Variants in PPP1R3A observed in about 807,000 individuals in gnomAD.
PPP1R3A encodes the protein protein phosphatase 1 regulatory subunit 3A, also known as RG1.
Under a neutral mutation model 41.7 loss-of-function variants are expected in PPP1R3A, and 29 were observed. That is an observed-to-expected ratio of 0.70 (90% confidence interval 0.52 to 0.95). The LOEUF (loss-of-function observed/expected upper bound fraction) is 0.95, where lower values mean the gene tolerates loss of function less well. PPP1R3A is among the 40% of genes least tolerant of loss of function. The pLI is 0.00. For synonymous variants in PPP1R3A, 485 were observed against 453.4 expected (o/e 1.07, Z -0.89); for missense variants, 1,352 against 1,292.4 (o/e 1.05, Z -0.71).
chr7:113,895,416 G>A (rs1363875459), intron 1 of PPP1R3A, among the ~76,000 whole-genome samples: 1 of 151,906 alleles, frequency 6.6e-6, no homozygotes, highest in Non-Finnish European at 1.5e-5. Context: ...AATGTTAAAA[G>A]TAGCCACAAC....
intron 1 of PPP1R3A, among the ~76,000 whole-genome samples, chr7:113,887,832 C>G (rs1796811533): frequency 6.6e-6 from 1 of 152,000 alleles, no homozygotes; most frequent in South Asian, 2.1e-4. Flanking sequence ...AGTTTTGAGA[C>G]CAGCCTGGCC....
chr7:113,898,290 T>C (rs1011214848), intron 1 of PPP1R3A, among the ~76,000 whole-genome samples: 7 of 151,254 alleles, frequency 4.6e-5, no homozygotes, highest in Non-Finnish European at 1.0e-4. Flanking sequence ...TAGCATGGAG[T>C]TCTATAGAAG....
Position 113,877,185 on chromosome 7 carries a change from T to G in PPP1R3A, c.*538A>C, listed in dbSNP as rs1796580048. The G allele has an allele frequency of 6.6e-6, 1 of 152,112 alleles. No homozygotes were observed. Among genetic ancestry groups the G allele is most frequent in the Admixed American group, 6.6e-5 (1 of 15,218 alleles). The allele number at this position is 152,112 out of a possible 1,614,324, so 9.4% of individuals were successfully genotyped here. A position where few individuals can be genotyped will look rare whatever the true frequency, so the allele number is the denominator to read the frequency against. The stretch of plus-strand genomic sequence containing the variant: ...AACAGAATATGTTTAAGTTTGCATT[T>G]CAATATATATGGGTGTTTTCTTAAA... On this transcript the variant is annotated 3_prime_UTR_variant, in exon 4 of 4. Coordinates refer to ENST00000284601, the MANE Select transcript of PPP1R3A (RefSeq NM_002711.4).
chr7:113,911,418 C>T (rs531333896), intron 1 of PPP1R3A, among the ~76,000 whole-genome samples: 40 of 151,964 alleles, frequency 2.6e-4, no homozygotes, highest in African/African-American at 9.2e-4. Flanking sequence ...GAGGAATGAC[C>T]GAAATTTGAT....
At chr7:113,908,734 A>T (rs1584419942) in intron 1 of PPP1R3A, among the ~76,000 whole-genome samples, 1 of 152,050 alleles carries the variant, frequency 6.6e-6, no homozygotes, top group East Asian at 1.9e-4. Flanking sequence ...AAAGTCATGG[A>T]GTGAACCTAA....
chr7:113,894,639 G>A (rs775695154), intron 1 of PPP1R3A, among the ~76,000 whole-genome samples: 1 of 151,422 alleles, frequency 6.6e-6, no homozygotes, highest in Non-Finnish European at 1.5e-5. Context: ...TTTTTCCTAG[G>A]GATACTAAAT....
intron 1 of PPP1R3A, among the ~76,000 whole-genome samples, chr7:113,889,601 G>C (rs937034686): frequency 6.6e-6 from 1 of 152,030 alleles, no homozygotes; most frequent in African/African-American, 2.4e-5. Context: ...ATAAGTTGCG[G>C]TAAATTTTCC....
intron 1 of PPP1R3A, among the ~76,000 whole-genome samples, chr7:113,912,415 A>C (rs1797266421): frequency 6.6e-6 from 1 of 151,984 alleles, no homozygotes; most frequent in Non-Finnish European, 1.5e-5. Context: ...ATAAGCATAC[A>C]ACACACACAC....
rs1301448991 is a variant in PPP1R3A at position 113,879,712 on chromosome 7, T to G, written c.1380A>C (p.Gln460His). 6.2e-7 allele frequency: 1 copy of G among 1,613,306 alleles called. No individual in the cohort carries two copies. Among genetic ancestry groups the G allele is most frequent in the Non-Finnish European group, 8.5e-7 (1 of 1,179,666 alleles). Residue 460 changes from glutamine to histidine, a missense_variant, in exon 4 of 4, where the codon CAA becomes CAC. Coordinates refer to ENST00000284601, the MANE Select transcript of PPP1R3A (RefSeq NM_002711.4). ...TTTTATTAAGGTTTCCTGCCATTAG[T>G]TGATCTGAAGAGGGGCAAGGTATTT... The part of the protein sequence containing the change: ...TVQIPCPSSD[Q>H]LMAGNLNKKH...
At chr7:113,890,245 C>T (rs1562920661) in intron 1 of PPP1R3A, among the ~76,000 whole-genome samples, 1 of 152,120 alleles carries the variant, frequency 6.6e-6, no homozygotes, top group African/African-American at 2.4e-5. Context: ...CACAGACCTC[C>T]TATGTGAAAA....
At chr7:113,900,616 T>C (rs1797045970) in intron 1 of PPP1R3A, among the ~76,000 whole-genome samples, 1 of 149,022 alleles carries the variant, frequency 6.7e-6, no homozygotes, top group Non-Finnish European at 1.5e-5. Context: ...ATATAGTATG[T>C]ATATATTATT....
intron 1 of PPP1R3A, among the ~76,000 whole-genome samples, chr7:113,888,036 A>C (rs553864846): frequency 1.3e-5 from 2 of 152,168 alleles, no homozygotes; most frequent in South Asian, 2.1e-4. Flanking sequence ...TCAAGGAAAA[A>C]AAAAAAAGCA....
In PPP1R3A at chr7:113,877,979, A is replaced by G. The variant is rs141718556; in HGVS notation, c.3113T>C (p.Leu1038Pro). The G allele has an allele frequency of 5.0e-6, 8 of 1,613,260 alleles. No homozygotes were observed. Among genetic ancestry groups the G allele is most frequent in the African/African-American group, 2.7e-5 (2 of 74,876 alleles). The change falls in exon 4 of 4, where the codon CTA becomes CCA. Residue 1038 changes from leucine (L) to proline (P), a missense_variant. Transcript: ENST00000284601. ...NEGLVSSGQS[L>P]YTSGEKESDS... ...AGATTCCTTTTCACCTGAAGTGTAT[A>G]GTGATTGCCCAGAGCTTACTAATCC...
At chr7:113,880,196 T>C in intron 3 of PPP1R3A, 71 bp from the exon 4 acceptor site, 4 of 1,324,266 alleles carry the variant, frequency 3.0e-6, no homozygotes, top group Non-Finnish European at 4.2e-6. Flanking sequence ...ATTAGATAGG[T>C]TTTATTAACT....
In PPP1R3A at chr7:113,879,051, C is replaced by T; in HGVS notation, c.2041G>A (p.Asp681Asn). 3 of 1,613,718 alleles carry T rather than the reference C, an allele frequency of 1.9e-6. No individual in the cohort carries two copies. The highest frequency in any genetic ancestry group is 1.7e-6 in the Non-Finnish European group (2 of 1,179,788). ...NITEHIKGQTDCEDVWGKRDN... is the reference protein window; with the variant it reads ...NITEHIKGQTNCEDVWGKRDN... ...CTTTTTCCCCACACGTCTTCACAAT[C>T]TGTTTGTCCTTTGATATGCTCTGTT... Residue 681 changes from aspartate (D) to asparagine (N), a missense_variant, in exon 4 of 4, where the codon GAT (aspartate) becomes AAT (asparagine). By Grantham distance (23) the Asp-to-Asn change is conservative. Transcript: ENST00000284601.
rs1796587065 is a variant in PPP1R3A at position 113,877,538 on chromosome 7, A to C, written c.*185T>G. 2 of 573,172 alleles carry C rather than the reference A, an allele frequency of 3.5e-6. 1 individual carries two copies. The allele number at this position is 573,172 out of a possible 1,614,324, so 35.5% of individuals were successfully genotyped here. On this transcript the variant is annotated 3_prime_UTR_variant, in exon 4 of 4. Transcript: ENST00000284601. ...TATTCATATAGGTATTTAATGATCC[A>C]AACATAATGGTCCTATATAGAATAA...
At chr7:113,915,616 CAT>C (rs1797328688) in intron 1 of PPP1R3A, among the ~76,000 whole-genome samples, 1 of 148,566 alleles carries the variant, frequency 6.7e-6, no homozygotes, top group South Asian at 2.1e-4. Context: ...TATATATACA[CAT>C]ACATATATAT....
At chr7:113,880,351 CT>C (rs1350943123) in intron 3 of PPP1R3A, among the ~76,000 whole-genome samples, 2 of 151,978 alleles carry the variant, frequency 1.3e-5, no homozygotes, top group Admixed American at 1.3e-4. Context: ...AAATTTATCA[CT>C]CTCCTTCCCA....
At chr7:113,897,733 T>G (rs1797000091) in intron 1 of PPP1R3A, among the ~76,000 whole-genome samples, 1 of 151,762 alleles carries the variant, frequency 6.6e-6, no homozygotes, top group Admixed American at 6.6e-5. Flanking sequence ...GGTCCCTGAT[T>G]AAATGAGTAG....
Sources: allele counts gnomAD v4.1 joint callset (sites outside exome capture counted in the v4.1 genomes callset), GRCh38; gene constraint gnomAD v4.1.1; transcripts MANE v1.5; gene names NCBI Gene and HGNC (gene_info 2026-07-23, HGNC 2026-07-21).